AKAP19: variants seen among roughly 807,000 people sequenced by gnomAD.
The protein encoded by AKAP19 is small A-kinase anchoring protein.
chr2:189,881,027 C>T, the AKAP19 span, among the ~76,000 whole-genome samples: 689 of 152,108 alleles, frequency 4.5e-3, 6 homozygotes, highest in South Asian at 8.3e-3. Context: ...ACATGACATA[C>T]GTGAGCACAC....
the AKAP19 span, among the ~76,000 whole-genome samples, chr2:189,998,771 CTTT>C: frequency 3.8e-3 from 367 of 97,534 alleles, 1 homozygote; most frequent in Admixed American, 9.1e-3. Context: ...TTCTTTCTTT[CTTT>C]TTTTTTTTTT....
the AKAP19 span, among the ~76,000 whole-genome samples, chr2:190,114,601 AC>A: frequency 6.6e-6 from 1 of 152,012 alleles, no homozygotes; most frequent in Non-Finnish European, 1.5e-5. Flanking sequence ...GACTACAGGC[AC>A]CCGCCACCAT....
At chr2:189,967,099 C>T in the AKAP19 span, among the ~76,000 whole-genome samples, 29 of 152,218 alleles carry the variant, frequency 1.9e-4, no homozygotes, top group African/African-American at 6.7e-4. Context: ...AATTTCTTAC[C>T]ATTATAATGC....
At chr2:190,108,855 G>A in the AKAP19 span, among the ~76,000 whole-genome samples, 1,919 of 150,202 alleles carry the variant, frequency 0.013, 25 homozygotes, top group Non-Finnish European at 0.014. Flanking sequence ...GAAGATATAG[G>A]AGAAAATATT....
At chr2:190,033,194 C>T in the AKAP19 span, among the ~76,000 whole-genome samples, 5 of 152,182 alleles carry the variant, frequency 3.3e-5, no homozygotes, top group African/African-American at 1.2e-4. Context: ...AGAAACAGAC[C>T]TTTAATAAGA....
the AKAP19 span, chr2:190,089,535 G>A: frequency 6.6e-6 from 1 of 151,920 alleles, no homozygotes. Context: ...TCTTCTAATG[G>A]CTTCTACTCC....
chr2:190,097,641 ATTCT>A, the AKAP19 span, among the ~76,000 whole-genome samples: 5 of 152,130 alleles, frequency 3.3e-5, no homozygotes, highest in Non-Finnish European at 5.9e-5. Context: ...AATGTTCTAA[ATTCT>A]TTCTTTTATT....
chr2:190,191,045 G>A, the AKAP19 span, among the ~76,000 whole-genome samples: 1 of 152,150 alleles, frequency 6.6e-6, no homozygotes, highest in South Asian at 2.1e-4. Flanking sequence ...TGTTCAATCA[G>A]CATGCCTTTG....
At chr2:190,118,783 A>G in the AKAP19 span, among the ~76,000 whole-genome samples, 1 of 152,230 alleles carries the variant, frequency 6.6e-6, no homozygotes, top group Non-Finnish European at 1.5e-5. Context: ...CAAAAACTGG[A>G]AGCATTCCCT....
chr2:190,128,770 A>G, the AKAP19 span, among the ~76,000 whole-genome samples: 58 of 152,356 alleles, frequency 3.8e-4, no homozygotes, highest in Non-Finnish European at 8.1e-4. Flanking sequence ...AAAACCCTCA[A>G]TGTAGAAATG....
At chr2:190,045,552 CT>C in the AKAP19 span, among the ~76,000 whole-genome samples, 38 of 152,170 alleles carry the variant, frequency 2.5e-4, no homozygotes, top group African/African-American at 7.7e-4. Flanking sequence ...CCCTTTCCCC[CT>C]GGCCCATACT....
the AKAP19 span, among the ~76,000 whole-genome samples, chr2:190,039,016 C>CTCTTCCTCTTCTTCCTCT: frequency 8.4e-4 from 101 of 120,496 alleles, no homozygotes; most frequent in South Asian, 4.5e-3. Flanking sequence ...CTTCCTCTTC[C>CTCTTCCTCTTCTTCCTCT]TCTTCCTCTT....
the AKAP19 span, among the ~76,000 whole-genome samples, chr2:189,896,386 A>G: frequency 6.6e-6 from 1 of 152,042 alleles, no homozygotes; most frequent in Non-Finnish European, 1.5e-5. Flanking sequence ...CCTAGGGGAA[A>G]ATGTACATTT....
At chr2:189,897,543 G>C in the AKAP19 span, among the ~76,000 whole-genome samples, 6 of 152,030 alleles carry the variant, frequency 3.9e-5, no homozygotes, top group African/African-American at 1.4e-4. Flanking sequence ...ACATTTTGGA[G>C]ACCCATCTTA....
At chr2:190,159,770 A>C in the AKAP19 span, among the ~76,000 whole-genome samples, 160 of 152,364 alleles carry the variant, frequency 1.1e-3, 7 homozygotes, top group East Asian at 0.019. Flanking sequence ...TTTGGCATAC[A>C]TGGAAGCCAA....
At chr2:190,066,246 T>C in the AKAP19 span, among the ~76,000 whole-genome samples, 20 of 152,170 alleles carry the variant, frequency 1.3e-4, no homozygotes, top group South Asian at 2.1e-4. Flanking sequence ...CGAAACTCTC[T>C]CATCTCTGTT....
chr2:190,197,245 CTTG>C, the AKAP19 span, among the ~76,000 whole-genome samples: 7 of 152,266 alleles, frequency 4.6e-5, no homozygotes, highest in Middle Eastern at 3.4e-3. This position sits in a 1 kb window ranked among gnomAD's most constrained non-coding sequence, Gnocchi z 4.0. Flanking sequence ...CTTGCCAAAC[CTTG>C]TTTAGGGTAT....
At chr2:189,897,299 T>C in the AKAP19 span, among the ~76,000 whole-genome samples, 1 of 152,190 alleles carries the variant, frequency 6.6e-6, no homozygotes, top group Non-Finnish European at 1.5e-5. Flanking sequence ...AACCTTGTTA[T>C]ATATAATTTT....
the AKAP19 span, among the ~76,000 whole-genome samples, chr2:190,110,912 TAGG>T: frequency 2.6e-5 from 4 of 152,334 alleles, no homozygotes; most frequent in African/African-American, 9.6e-5. Context: ...GCTGTCATTG[TAGG>T]GCGGAGAGCT....
Sources: gnomAD v4.1 joint callset for allele counts (sites outside exome capture counted in the v4.1 genomes callset) on GRCh38, gnomAD v4.1.1 for gene constraint, Gnocchi (gnomAD v3.1) non-coding constraint, MANE v1.5 for transcripts, NCBI Gene and HGNC (gene_info 2026-07-23, HGNC 2026-07-21) for gene names.